Variants in SBF2 observed in about 807,000 individuals in gnomAD.
The protein encoded by SBF2 is myotubularin-related protein 13.
A neutral mutation model predicts 225.2 loss-of-function variants in SBF2; 112 were observed. The observed-to-expected ratio is 0.50, with a 90% confidence interval of 0.43 to 0.58. The LOEUF (loss-of-function observed/expected upper bound fraction) is 0.58. Among genes scored for constraint, SBF2 ranks in the 20% least tolerant of loss-of-function variants. The pLI is 0.00. For missense variants in SBF2, 1,996 were observed against 2,206.2 expected, an observed-to-expected ratio of 0.90 and a Z score of 1.91; for synonymous variants, 763 against 773.3, an observed-to-expected ratio of 0.99 and a Z score of 0.22.
intron 1 of SBF2, among the ~76,000 whole-genome samples, chr11:10,269,615 T>A (rs1962300890): frequency 6.6e-6 from 1 of 152,202 alleles, no homozygotes; most frequent in South Asian, 2.1e-4. Flanking sequence ...CTTCACAACA[T>A]CTCTATGAGG....
intron 18 of SBF2, 128 bp downstream of exon 18, chr11:9,858,098 G>A: frequency 1.1e-6 from 1 of 935,112 alleles, no homozygotes; most frequent in Non-Finnish European, 1.7e-6. Context: ...ATATCACAGG[G>A]CTCCCTAAAT....
At chr11:10,100,425 T>A (rs1952237729) in intron 2 of SBF2, among the ~76,000 whole-genome samples, 1 of 152,222 alleles carries the variant, frequency 6.6e-6, no homozygotes, top group Non-Finnish European at 1.5e-5. Flanking sequence ...CGGCCACAGT[T>A]GTCTTGGACT....
At chr11:10,230,025 A>G (rs1958762090) in intron 1 of SBF2, among the ~76,000 whole-genome samples, 1 of 152,162 alleles carries the variant, frequency 6.6e-6, no homozygotes, top group South Asian at 2.1e-4. Flanking sequence ...TATTTAGGAT[A>G]GTTAGCTCTT....
chr11:10,063,410 T>A (rs1950518448), intron 2 of SBF2, among the ~76,000 whole-genome samples: 1 of 151,190 alleles, frequency 6.6e-6, no homozygotes, highest in Non-Finnish European at 1.5e-5. Context: ...CAGGCTGGAG[T>A]GCAGTGGCGT....
intron 13 of SBF2, among the ~76,000 whole-genome samples, chr11:9,975,690 G>T (rs1190705060): frequency 6.6e-6 from 1 of 152,036 alleles, no homozygotes; most frequent in Non-Finnish European, 1.5e-5. Flanking sequence ...GACGGGAGGG[G>T]GGTTCAATTT....
chr11:9,917,773 G>A (rs1310677275), intron 16 of SBF2, among the ~76,000 whole-genome samples: 1 of 150,806 alleles, frequency 6.6e-6, no homozygotes, highest in Non-Finnish European at 1.5e-5. Flanking sequence ...ACTGGAATCT[G>A]TATCGCCAGC....
chr11:10,027,176 A>C (rs778855726), intron 6 of SBF2, among the ~76,000 whole-genome samples: 4 of 152,156 alleles, frequency 2.6e-5, no homozygotes, highest in Non-Finnish European at 4.4e-5. Context: ...TGCATAGTAG[A>C]TATCTTGAAC....
At chr11:9,926,003 C>T (rs1864011759) in intron 16 of SBF2, among the ~76,000 whole-genome samples, 1 of 152,140 alleles carries the variant, frequency 6.6e-6, no homozygotes, top group African/African-American at 2.4e-5. Context: ...AAAGAGAGAA[C>T]AGTTTGAACT....
intron 1 of SBF2, among the ~76,000 whole-genome samples, chr11:10,222,119 C>T (rs900514579): frequency 2.0e-5 from 3 of 152,168 alleles, no homozygotes; most frequent in African/African-American, 7.2e-5. Flanking sequence ...AGAGACAGAG[C>T]TTGCAGTTTT....
chr11:9,976,072 C>CTTTTTTTTT (rs773334975), intron 13 of SBF2, among the ~76,000 whole-genome samples: 12 of 128,244 alleles, frequency 9.4e-5, no homozygotes, highest in Non-Finnish European at 1.5e-4. Context: ...TCTTCTTCTT[C>CTTTTTTTTT]TTTTTTTTTT....
chr11:10,161,966 C>T (rs575601952), intron 2 of SBF2, among the ~76,000 whole-genome samples: 1 of 152,262 alleles, frequency 6.6e-6, no homozygotes, highest in East Asian at 1.9e-4. Context: ...GGCTGGGCAA[C>T]ACAGTGAGAC....
intron 1 of SBF2, among the ~76,000 whole-genome samples, chr11:10,260,655 A>G (rs1448645789): frequency 1.4e-5 from 2 of 146,658 alleles, no homozygotes; most frequent in African/African-American, 5.0e-5. Context: ...GTGAGCCGAG[A>G]TTGCGCCACT....
intron 16 of SBF2, chr11:9,958,472 C>T (rs1488147938): frequency 6.5e-6 from 1 of 153,992 alleles, no homozygotes; most frequent in African/African-American, 2.4e-5. Flanking sequence ...CATTCTCCTG[C>T]CTCAGCCTCC....
At chr11:10,294,709 C>G (rs1437203276), upstream of SBF2, among the ~76,000 whole-genome samples, 1 of 152,214 alleles carries the variant, frequency 6.6e-6, no homozygotes, top group African/African-American at 2.4e-5. Context: ...GAGGGAGAGG[C>G]TTTTACGCAA....
chr11:10,080,992 G>A, intron 2 of SBF2, among the ~76,000 whole-genome samples: 1 of 152,032 alleles, frequency 6.6e-6, no homozygotes, highest in Non-Finnish European at 1.5e-5. Flanking sequence ...GAAAAATATA[G>A]ATAGCAATAC....
intron 14 of SBF2, among the ~76,000 whole-genome samples, chr11:9,964,941 A>T (rs1235453190): frequency 6.6e-6 from 1 of 152,178 alleles, no homozygotes; most frequent in East Asian, 1.9e-4. Context: ...ATAGTGGTGA[A>T]GTCTGGGCTT....
rs756137014 is a variant in SBF2 at position 9,994,012 on chromosome 11, G to A, written c.976-14C>T. 3.4e-6 allele frequency: 4 copies of A among 1,184,298 alleles called. No homozygotes were observed. Among genetic ancestry groups the A allele is most frequent in the Non-Finnish European group, 3.8e-6 (3 of 788,292 alleles). The allele number at this position is 1,184,298 out of a possible 1,614,324, so 73.4% of individuals were successfully genotyped here. A position where few individuals can be genotyped will look rare whatever the true frequency, so the allele number is the denominator to read the frequency against. ...TGGGTGTAAAATCTAAAGCAAAAAA[G>A]TTTTGTTATGTAAAATATCATAATA... On this transcript the variant is annotated splice_polypyrimidine_tract_variant and intron_variant, in intron 9 of 39. Coordinates refer to ENST00000256190, the MANE Select transcript of SBF2 (RefSeq NM_030962.4).
intron 2 of SBF2, among the ~76,000 whole-genome samples, chr11:10,086,779 G>C (rs928350247): frequency 2.0e-5 from 3 of 152,166 alleles, no homozygotes; most frequent in African/African-American, 7.2e-5. Flanking sequence ...GCTAGGTCTA[G>C]GGAAATAAAA....
chr11:10,243,314 G>A (rs1959417315), intron 1 of SBF2, among the ~76,000 whole-genome samples: 2 of 151,912 alleles, frequency 1.3e-5, no homozygotes, highest in African/African-American at 2.4e-5. Flanking sequence ...CTTATGGGAT[G>A]CAGCAAAAGC....
Sources: gnomAD v4.1 joint callset for allele counts (sites outside exome capture counted in the v4.1 genomes callset) on GRCh38, gnomAD v4.1.1 for gene constraint, MANE v1.5 for transcripts, NCBI Gene and HGNC (gene_info 2026-07-23, HGNC 2026-07-21) for gene names.